Variants in TBC1D1 observed in about 807,000 individuals in gnomAD.
TBC1D1 encodes the protein TBC1 (tre-2/USP6, BUB2, cdc16) domain family, member 1.
TBC1D1 carries 89 observed loss-of-function variants against 125.6 expected under a neutral mutation model. The observed-to-expected ratio is 0.71, with a 90% CI of 0.60 to 0.85. TBC1D1 has a LOEUF of 0.85. TBC1D1 is among the 40% of genes least tolerant of loss of function. TBC1D1 has a pLI of 0.00. For synonymous variants in TBC1D1, 565 were observed against 564.1 expected (o/e 1.00, Z -0.02); for missense variants, 1,377 against 1,469.2 (o/e 0.94, Z 1.03).
At chr4:38,030,841 A>C (rs1028131966) in intron 7 of TBC1D1, among the ~76,000 whole-genome samples, 17 of 152,220 alleles carry the variant, frequency 1.1e-4, no homozygotes, top group African/African-American at 3.9e-4. Context: ...AGTTATTAAA[A>C]CATACCTTAT....
intron 2 of TBC1D1, among the ~76,000 whole-genome samples, chr4:37,970,033 G>A (rs1731742289): frequency 6.6e-6 from 1 of 152,098 alleles, no homozygotes; most frequent in East Asian, 1.9e-4. Context: ...TATTTCAATT[G>A]GCATAGTGCT....
intron 10 of TBC1D1, among the ~76,000 whole-genome samples, chr4:38,046,161 C>T (rs1451447739): frequency 6.6e-6 from 1 of 152,162 alleles, no homozygotes; most frequent in East Asian, 1.9e-4. Context: ...GTCAGGAGAT[C>T]GAGACGCTCC....
chr4:37,986,345 T>G (rs1265277903), intron 2 of TBC1D1, among the ~76,000 whole-genome samples: 1 of 152,204 alleles, frequency 6.6e-6, no homozygotes. Context: ...TTGTTAATAT[T>G]GCTCTGCTGA....
chr4:38,125,184 A>C, intron 18 of TBC1D1, 53 bp downstream of exon 20: 1 of 1,551,480 alleles, frequency 6.4e-7, no homozygotes, highest in Non-Finnish European at 8.8e-7. Context: ...GATATGTAGA[A>C]ACTTAAATCT....
Position 38,109,468 on chromosome 4 carries a change from T to C in TBC1D1, c.2558-6242T>C, listed in dbSNP as rs1421446705. ...CCTTTTTCAAGTCAGTCGGTGGTGC[T>C]GGCAAATGTTTAATAACCAGCTCCT... On this transcript the variant is annotated intron_variant, in intron 15 of 19. Transcript: ENST00000261439. 2.0e-5 allele frequency among the ~76,000 whole-genome samples: 3 copies of C among 152,202 alleles called. No individual in the cohort carries two copies. In the East Asian group the frequency reaches 5.8e-4, roughly 29 times the overall value.
At chr4:38,027,717 G>T in intron 6 of TBC1D1, 71 bp from the exon 7 acceptor site, 1 of 849,686 alleles carries the variant, frequency 1.2e-6, no homozygotes. Flanking sequence ...GATGTGTGTG[G>T]AAGAGGTTAA....
chr4:37,939,295 C>T (rs1725042993), intron 2 of TBC1D1, among the ~76,000 whole-genome samples: 1 of 152,210 alleles, frequency 6.6e-6, no homozygotes, highest in Non-Finnish European at 1.5e-5. Context: ...AGCATTTTCT[C>T]ATGTGTCTTT....
intron 15 of TBC1D1, among the ~76,000 whole-genome samples, chr4:38,105,630 C>T (rs752349): frequency 0.016 from 2,381 of 152,236 alleles, 46 homozygotes; most frequent in East Asian, 0.082. Context: ...TGTCTGTTCT[C>T]ATCTTTATGT....
At chr4:37,904,276 G>A (rs373107645) in intron 2 of TBC1D1, among the ~76,000 whole-genome samples, 1 of 152,214 alleles carries the variant, frequency 6.6e-6, no homozygotes, top group African/African-American at 2.4e-5. Flanking sequence ...AAAGAAACAT[G>A]ATACCTAGAT....
At chr4:38,041,166 A>G (rs1318504743) in intron 8 of TBC1D1, among the ~76,000 whole-genome samples, 1 of 152,238 alleles carries the variant, frequency 6.6e-6, no homozygotes, top group Admixed American at 6.5e-5. Context: ...TGTAGCATTC[A>G]TTAGTGAATT....
chr4:38,016,551 A>G (rs984338274), intron 3 of TBC1D1, among the ~76,000 whole-genome samples: 1 of 152,184 alleles, frequency 6.6e-6, no homozygotes, highest in Admixed American at 6.5e-5. Context: ...TGGCATTTTT[A>G]CCATTTGACA....
intron 2 of TBC1D1, among the ~76,000 whole-genome samples, chr4:37,971,709 A>C (rs6828973): frequency 0.52 from 79,214 of 152,010 alleles, 21,546 homozygotes; most frequent in East Asian, 0.97. Flanking sequence ...AAAGGATCTA[A>C]AACTGTAAGA....
intron 2 of TBC1D1, 75 bp downstream of exon 2, chr4:37,902,587 T>G (rs1028476259): frequency 8.5e-7 from 1 of 1,175,834 alleles, no homozygotes; most frequent in South Asian, 1.6e-5. Flanking sequence ...GGATATTTAT[T>G]TTAAGTATAC....
At chr4:37,898,393 C>T (rs1367991163) in intron 1 of TBC1D1, among the ~76,000 whole-genome samples, 2 of 152,176 alleles carry the variant, frequency 1.3e-5, no homozygotes, top group Admixed American at 1.3e-4. Flanking sequence ...AGATGACTCT[C>T]CATGGGTCCT....
intron 18 of TBC1D1, among the ~76,000 whole-genome samples, chr4:38,130,261 A>G (rs1361726195): frequency 6.6e-6 from 1 of 152,256 alleles, no homozygotes; most frequent in East Asian, 1.9e-4. Flanking sequence ...TATGTTGGTT[A>G]TGTTTAGAAC....
chr4:37,894,201 C>A (rs1375593986), intron 1 of TBC1D1, among the ~76,000 whole-genome samples: 1 of 152,042 alleles, frequency 6.6e-6, no homozygotes, highest in Non-Finnish European at 1.5e-5. Flanking sequence ...CTTGGCCAGG[C>A]TGGTCTTGAA....
intron 14 of TBC1D1, among the ~76,000 whole-genome samples, chr4:38,097,937 G>A (rs1205676491): frequency 1.3e-5 from 2 of 152,224 alleles, no homozygotes; most frequent in African/African-American, 4.8e-5. Flanking sequence ...TATGGATAAG[G>A]AAACTTGGGC....
At chr4:38,059,678 G>A (rs147665028) in intron 12 of TBC1D1, among the ~76,000 whole-genome samples, 2 of 152,228 alleles carry the variant, frequency 1.3e-5, no homozygotes, top group Non-Finnish European at 2.9e-5. Context: ...CGTTAGCGAA[G>A]CTACTGCAGG....
intron 9 of TBC1D1, among the ~76,000 whole-genome samples, chr4:38,044,737 G>C (rs1749073817): frequency 6.6e-6 from 1 of 152,140 alleles, no homozygotes; most frequent in Non-Finnish European, 1.5e-5. Context: ...CCGCTCCAAA[G>C]AATATTTGTT....
Sources: allele counts gnomAD v4.1 joint callset (sites outside exome capture counted in the v4.1 genomes callset), GRCh38; gene constraint gnomAD v4.1.1; transcripts MANE v1.5; gene names NCBI Gene and HGNC (gene_info 2026-07-23, HGNC 2026-07-21).